PIEZO1: variants seen among roughly 807,000 people sequenced by gnomAD.
PIEZO1 encodes piezo type mechanosensitive ion channel component 1 (Er blood group), also known as piezo-type mechanosensitive ion channel component 1.
PIEZO1 carries 296 observed loss-of-function variants against 297.2 expected under a neutral mutation model. That is an observed-to-expected ratio of 1.00 (90% CI 0.91 to 1.10). PIEZO1 has a LOEUF of 1.10. Ranked by LOEUF, PIEZO1 falls within the 50% of genes least tolerant of loss-of-function variation. The pLI, the probability that PIEZO1 is intolerant of heterozygous loss-of-function variation, is 0.00. For synonymous variants in PIEZO1, 2,427 were observed against 1,507.5 expected (o/e 1.61, Z -14.13); for missense variants, 5,018 against 3,455.5 (o/e 1.45, Z -11.34).
chr16:88,733,580 A>C lies in PIEZO1; in HGVS notation c.2487+8T>G. The C allele has an allele frequency of 2.0e-6, 3 of 1,537,140 alleles. No individual in the cohort carries two copies. The highest frequency in any genetic ancestry group is 2.6e-6 in the Non-Finnish European group (3 of 1,137,686). ...CAGATGGGAAGCTGAGTTGCCTGCC[A>C]CACTCACCTCCTTCAGGGCCACCCA... On this transcript the variant is annotated splice_region_variant and intron_variant, in intron 18 of 50. Transcript: ENST00000301015.
chr16:88,726,047 G>C (rs993664156), intron 27 of PIEZO1: 3 of 574,412 alleles, frequency 5.2e-6, no homozygotes, highest in East Asian at 2.9e-5. Context: ...CTGGGGGTGA[G>C]ACACCAGCCA....
At chr16:88,746,911 G>A (rs1906090335) in intron 2 of PIEZO1, among the ~76,000 whole-genome samples, 1 of 152,216 alleles carries the variant, frequency 6.6e-6, no homozygotes, top group African/African-American at 2.4e-5. Context: ...CAGAGCAAAG[G>A]GGAGGCCCAG....
intron 1 of PIEZO1, among the ~76,000 whole-genome samples, chr16:88,758,978 TCCACAC>T (rs1906800627): frequency 6.6e-6 from 1 of 152,168 alleles, no homozygotes; most frequent in Non-Finnish European, 1.5e-5. Flanking sequence ...CTGAGGAAGA[TCCACAC>T]CAAGCTGTTG....
intron 17 of PIEZO1, 24 bp downstream of exon 17, chr16:88,733,882 C>T (rs1369033089): frequency 1.4e-6 from 2 of 1,477,456 alleles, no homozygotes; most frequent in Non-Finnish European, 1.8e-6. Context: ...TGGGTGGCAG[C>T]TGTGCTCTGC....
intron 1 of PIEZO1, among the ~76,000 whole-genome samples, chr16:88,776,051 G>A (rs565387870): frequency 6.6e-6 from 1 of 152,332 alleles, no homozygotes; most frequent in African/African-American, 2.4e-5. Context: ...CAGGCCCACG[G>A]GCTACAAGCT....
intron 1 of PIEZO1, among the ~76,000 whole-genome samples, chr16:88,766,051 G>A (rs1467924647): frequency 1.3e-5 from 2 of 152,232 alleles, no homozygotes; most frequent in Admixed American, 6.5e-5. Flanking sequence ...GCGCACGGCT[G>A]TGTTCTCAGT....
rs1209894390 is a variant in PIEZO1, at chr16:88,716,182, C to T, written c.7129+16G>A. 15 of 1,511,388 alleles carry T rather than the reference C, an allele frequency of 9.9e-6. No individual in the cohort carries two copies. The highest frequency in any genetic ancestry group is 1.3e-5 in the Non-Finnish European group (15 of 1,124,222). 93.6% of individuals were successfully genotyped at this position (1,511,388 alleles called of 1,614,324 possible). ...ACCCCTCTCTAGCCTCCCCCAACCCCCACGCCCATACTCACTGGGCTGCAG... is the reference window on the plus strand; with the variant it reads ...ACCCCTCTCTAGCCTCCCCCAACCCTCACGCCCATACTCACTGGGCTGCAG... On this transcript the variant is annotated intron_variant, in intron 49 of 50. Transcript: ENST00000301015.
chr16:88,733,566 C>T (rs1905015517), intron 18 of PIEZO1, 22 bp downstream of exon 18: 4 of 1,529,868 alleles, frequency 2.6e-6, no homozygotes, highest in East Asian at 4.9e-5. Flanking sequence ...AGATGGGAAG[C>T]TGAGTTGCCT....
rs1009486587 is a variant in PIEZO1 at position 88,722,220 on chromosome 16, G to A, written c.4953C>T (p.Asp1651=). ...LMRTASELLL[D]RRLRIPELEE... The stretch of plus-strand genomic sequence containing the variant: ...TGTTGTGCGCGTCCCGCCCCCACCT[G>A]TCCAGGAGCAGCTCGCTGGCCGTCC... Residue 1651 remains aspartate (D), a splice_region_variant and synonymous_variant, in exon 36 of 51, where the codon GAC becomes GAT. Coordinates refer to ENST00000301015, the MANE Select transcript of PIEZO1 (RefSeq NM_001142864.4). The A allele has an allele frequency of 6.5e-7, 1 of 1,546,162 alleles. No individual in the cohort carries two copies. The highest frequency in any genetic ancestry group is 1.2e-5 in the South Asian group (1 of 83,946).
chr16:88,741,300 G>A (rs1000160076), intron 5 of PIEZO1, 178 bp downstream of exon 5: 5 of 596,360 alleles, frequency 8.4e-6, no homozygotes, highest in African/African-American at 3.7e-5. Context: ...AGGTCTGAAC[G>A]GATGGAACTG....
chr16:88,765,631 C>T (rs1298900164), intron 1 of PIEZO1, among the ~76,000 whole-genome samples: 1 of 151,834 alleles, frequency 6.6e-6, no homozygotes, highest in Admixed American at 6.6e-5. Flanking sequence ...TGGAGCCTGG[C>T]TCCCTGGTCT....
Position 88,749,442 on chromosome 16 carries a change from G to A in PIEZO1, c.102C>T (p.Tyr34=). ...AGGGCAGCAGCAGCAGGAAGAGCAG[G>A]TAGACCAGCGAGAGTCCGCTGAAGC... ...LLRFSGLSLV[Y]LLFLLLLPWF... is the part of the protein sequence containing the mutation. The change falls in exon 2 of 51, where the codon TAC becomes TAT. Residue 34 remains tyrosine (Y), a synonymous_variant. Transcript: ENST00000301015. 6.6e-7 allele frequency: 1 copy of A among 1,523,868 alleles called. No homozygotes were observed. The highest frequency in any genetic ancestry group is 1.2e-5 in the South Asian group (1 of 81,548). The allele number at this position is 1,523,868 out of a possible 1,614,324, so 94.4% of individuals were successfully genotyped here.
chr16:88,722,638 C>G lies in PIEZO1; in HGVS notation c.4720G>C (p.Glu1574Gln), dbSNP rs773645030. The change falls in exon 35 of 51, where the codon GAG (glutamate) becomes CAG (glutamine). Residue 1574 changes from glutamate to glutamine, a missense_variant. Transcript: ENST00000301015. ...TCGGTGGGGCCTGGCAGCGTGGCCT[C>G]GGCCTGGCTTGTGTACAGCTGATCC... ...VLDQLYTSQA[E>Q]ATLPGPTEAP... 1.8e-5 allele frequency: 28 copies of G among 1,538,416 alleles called. No individual in the cohort carries two copies. The highest frequency in any genetic ancestry group is 1.7e-4 in the Middle Eastern group (1 of 5,986).
rs757668460 is a variant in PIEZO1 at position 88,727,150 on chromosome 16, A to G, written c.3344T>C (p.Val1115Ala). ...CTCCTCTGTGCGCTCAGCTGAGAAC[A>G]CCTGCCACTGCTGGGAGGCGCACAG... ...LLLCASQQWQ[V>A]FSAERTEEWQ... Residue 1115 changes from valine to alanine, a missense_variant, in exon 24 of 51, where the codon GTG becomes GCG. By Grantham distance (64) the Val-to-Ala change is moderately conservative (BLOSUM62 0). Transcript: ENST00000301015. The G allele has an allele frequency of 1.3e-6, 2 of 1,547,736 alleles. No individual in the cohort carries two copies. The highest frequency in any genetic ancestry group is 8.7e-7 in the Non-Finnish European group (1 of 1,145,806).
At chr16:88,747,709 G>A (rs994841277) in intron 2 of PIEZO1, among the ~76,000 whole-genome samples, 1 of 152,220 alleles carries the variant, frequency 6.6e-6, no homozygotes, top group African/African-American at 2.4e-5. Context: ...ACATGCAGAG[G>A]CGAGTCCAGG....
chr16:88,736,676 A>G lies in PIEZO1; in HGVS notation c.1259T>C (p.Met420Thr), dbSNP rs1184125372. 3.9e-6 allele frequency: 6 copies of G among 1,533,036 alleles called. No individual in the cohort carries two copies. Among genetic ancestry groups the G allele is most frequent in the Admixed American group, 2.0e-5 (1 of 50,914 alleles). 95.0% of individuals were successfully genotyped at this position (1,533,036 alleles called of 1,614,324 possible). ...GAGCGCGCACACATAGCTCTGGTCC[A>G]TGATGAGGTGGCCCAGGCTGTGGAG... The part of the protein sequence containing the change: ...SPLHSLGHLI[M>T]DQSYVCALIA... Residue 420 changes from methionine (M) to threonine (T), a missense_variant, in exon 11 of 51, where the codon ATG becomes ACG. Physicochemically the swap from Met to Thr is moderately conservative, Grantham distance 81 (BLOSUM62 -1). Coordinates refer to ENST00000301015, the MANE Select transcript of PIEZO1 (RefSeq NM_001142864.4).
chr16:88,755,240 C>T (rs1906595930), intron 1 of PIEZO1, among the ~76,000 whole-genome samples: 1 of 152,244 alleles, frequency 6.6e-6, no homozygotes, highest in Admixed American at 6.5e-5. Context: ...TCGGGCCTAG[C>T]TGGCTGTGGG....
rs768686405 is a variant in PIEZO1, at chr16:88,715,720, A to C, written c.7451T>G (p.Ile2484Ser). ...CTCCCGAGTCTCCCGCACCAGGAAG[A>C]TGTCCTGGCAGAGCTTGAGGATGCG... is the stretch of plus-strand genomic sequence containing the variant. ...VDRILKLCQD[I>S]FLVRETRELE... The change falls in exon 51 of 51, where the codon ATC becomes AGC. Residue 2484 changes from isoleucine (I) to serine (S), a missense_variant. Physicochemically the swap from Ile to Ser is moderately radical, Grantham distance 142. Coordinates refer to ENST00000301015, the MANE Select transcript of PIEZO1 (RefSeq NM_001142864.4). 6.4e-7 allele frequency: 1 copy of C among 1,550,404 alleles called. No individual in the cohort carries two copies. Among genetic ancestry groups the C allele is most frequent in the South Asian group, 1.2e-5 (1 of 84,068 alleles).
Position 88,721,551 on chromosome 16 carries a change from C to T in PIEZO1, c.5390G>A (p.Arg1797His), listed in dbSNP as rs759786040. The T allele has an allele frequency of 1.9e-4, 302 of 1,548,982 alleles. No individual in the cohort carries two copies. The highest frequency in any genetic ancestry group is 2.6e-4 in the Non-Finnish European group (293 of 1,146,152). ...LVQLMALFFH[R>H]SQLLCYGLWD... ...GCTCACACTCACCAGCAGCTGGGAG[C>T]GGTGGAAGAAAAGGGCCATGAGCTG... Residue 1797 changes from arginine (R) to histidine (H), a missense_variant, in exon 38 of 51, where the codon CGC (arginine) becomes CAC (histidine). Coordinates refer to ENST00000301015, the MANE Select transcript of PIEZO1 (RefSeq NM_001142864.4).
Sources: allele counts gnomAD v4.1 joint callset (sites outside exome capture counted in the v4.1 genomes callset), GRCh38; gene constraint gnomAD v4.1.1; transcripts MANE v1.5; gene names NCBI Gene and HGNC (gene_info 2026-07-23, HGNC 2026-07-21).